NAV1: variants seen among roughly 807,000 people sequenced by gnomAD.
The protein encoded by NAV1 is pore membrane and/or filament interacting like protein 3.
A neutral mutation model predicts 175.2 loss-of-function variants in NAV1; 18 were observed. The observed-to-expected ratio is 0.10, with a 90% CI of 0.07 to 0.15. The LOEUF is 0.15. Among genes scored for constraint, NAV1 ranks in the 10% least tolerant of loss-of-function variants. The pLI is 1.00. For missense variants in NAV1, 1,731 were observed against 2,436.6 expected (o/e 0.71, Z 6.10); for synonymous variants, 897 against 978.7 (o/e 0.92, Z 1.56).
chr1:201,644,255 G>T (rs563717263), upstream of NAV1, among the ~76,000 whole-genome samples: 7 of 152,298 alleles, frequency 4.6e-5, no homozygotes, highest in East Asian at 1.3e-3. Flanking sequence ...GGGGTAAATG[G>T]CCGAGTGGGA....
chr1:201,773,838 G>A (rs760324983), intron 3 of NAV1, among the ~76,000 whole-genome samples: 5 of 152,126 alleles, frequency 3.3e-5, no homozygotes, highest in South Asian at 2.1e-4. Flanking sequence ...TGAAATATCC[G>A]TTGACAAGGT....
chr1:201,692,790 G>A (rs1038167406), intron 1 of NAV1, among the ~76,000 whole-genome samples: 8 of 152,274 alleles, frequency 5.3e-5, no homozygotes, highest in African/African-American at 1.9e-4. Flanking sequence ...AGCATGGCCT[G>A]TGCCTCCAGG....
At chr1:201,761,153 T>C (rs1030371477) in intron 3 of NAV1, among the ~76,000 whole-genome samples, 4 of 152,198 alleles carry the variant, frequency 2.6e-5, no homozygotes, top group African/African-American at 9.7e-5. Flanking sequence ...CCTCAGCTTT[T>C]GTAGAAACAC....
intron 1 of NAV1, among the ~76,000 whole-genome samples, chr1:201,697,367 C>T (rs1671235342): frequency 1.3e-5 from 2 of 152,216 alleles, no homozygotes; most frequent in Admixed American, 6.5e-5. Context: ...GGAGCAGATG[C>T]TGTGCAGGCT....
chr1:201,574,335 T>C (rs1432404385), intron 1 of NAV1, among the ~76,000 whole-genome samples: 1 of 152,046 alleles, frequency 6.6e-6, no homozygotes, highest in Non-Finnish European at 1.5e-5. Flanking sequence ...AGATCCAAGA[T>C]TGCTCCGTGG....
chr1:201,756,826 TTCTTTCTTTC>T (rs747040734), intron 3 of NAV1, among the ~76,000 whole-genome samples: 6,466 of 79,012 alleles, frequency 0.082, 437 homozygotes, highest in Non-Finnish European at 0.1. Flanking sequence ...CTTTCTTTCT[TTCTTTCTTTC>T]TTTCTTTCTT....
Position 201,813,407 on chromosome 1 carries a change from T to A in NAV1, c.5340+149T>A. 1 of 595,978 alleles carries A rather than the reference T, an allele frequency of 1.7e-6. No individual in the cohort carries two copies. The highest frequency in any genetic ancestry group is 2.9e-6 in the Non-Finnish European group (1 of 339,304). The allele number at this position is 595,978 out of a possible 1,614,324, so 36.9% of individuals were successfully genotyped here. A position where few individuals can be genotyped will look rare whatever the true frequency, so the allele number is the denominator to read the frequency against. On this transcript the variant is annotated intron_variant, in intron 28 of 29. Coordinates refer to ENST00000367296, the Ensembl canonical transcript of NAV1. The surrounding 1 kb of genome is among the most constrained non-coding windows in gnomAD (Gnocchi z 4.2). The stretch of plus-strand genomic sequence containing the variant: ...GAGCAAGGCACTGGGTAGACTAAGC[T>A]GCTTTCCTGCCTCCAGCTGCCATTC...
At position 201,810,335 on chromosome 1, in the gene NAV1, C is replaced by T. The variant is rs1324877609; in HGVS notation, c.4562-188C>T. 6.6e-6 allele frequency among the ~76,000 whole-genome samples: 1 copy of T among 152,146 alleles called. No homozygotes were observed. The highest frequency in any genetic ancestry group is 1.5e-5 in the Non-Finnish European group (1 of 68,028). On this transcript the variant is annotated intron_variant, in intron 23 of 29. Coordinates refer to ENST00000367296, the Ensembl canonical transcript of NAV1. This position sits in a 1 kb window ranked among gnomAD's most constrained non-coding sequence, Gnocchi z 6.0. ...TGCTTCACTCCTCACCCCCAGCTCACAGCATGTCCCTAAAAAGAAGATCTA... is the reference window on the plus strand; with the variant it reads ...TGCTTCACTCCTCACCCCCAGCTCATAGCATGTCCCTAAAAAGAAGATCTA...
chr1:201,819,927 C>G (rs1411991995), exon 30 of NAV1: 2 of 1,614,158 alleles, frequency 1.2e-6, no homozygotes, highest in Non-Finnish European at 1.7e-6. Flanking sequence ...TCAGGCAACA[C>G]TTTAAGGGTT....
In NAV1 at chr1:201,806,676, T is replaced by A. The variant is rs141194081; in HGVS notation, c.3649-1277T>A. Among the ~76,000 whole-genome samples the A allele has an allele frequency of 7.2e-5, 11 of 152,328 alleles. No homozygotes were observed. In the East Asian group the frequency reaches 1.9e-3, roughly 27 times the overall value. On this transcript the variant is annotated intron_variant, in intron 17 of 29. Transcript: ENST00000367296. ...AACTCTCTGGCCTTTTCAGGCTTGG[T>A]TCTTCATCTCTACAGAGAAATGAGC...
chr1:201,740,018 G>A lies in NAV1; in HGVS notation c.1226+21263G>A, dbSNP rs1218617633. 2 of 1,486,908 alleles carry A rather than the reference G, an allele frequency of 1.3e-6. No individual in the cohort carries two copies. Among genetic ancestry groups the A allele is most frequent in the Non-Finnish European group, 1.8e-6 (2 of 1,115,646 alleles). The allele number at this position is 1,486,908 out of a possible 1,614,324, so 92.1% of individuals were successfully genotyped here. On this transcript the variant is annotated intron_variant, in intron 3 of 29. Transcript: ENST00000367296. The surrounding 1 kb of genome is among the most constrained non-coding windows in gnomAD (Gnocchi z 4.7). ...ACCCGGTGAATGGCCGCCTGAGCCGGGGAAGATGCTTCATCTGCCCCTGCC... is the reference window on the plus strand; with the variant it reads ...ACCCGGTGAATGGCCGCCTGAGCCGAGGAAGATGCTTCATCTGCCCCTGCC...
At chr1:201,739,779 C>T (rs1428494313) in intron 3 of NAV1, 1 of 1,216,590 alleles carries the variant, frequency 8.2e-7, no homozygotes, top group African/African-American at 1.6e-5. Flanking sequence ...CCTGCATCGC[C>T]GGGGCTCGGG....
chr1:201,689,387 T>G (rs1262923089), intron 1 of NAV1, among the ~76,000 whole-genome samples: 1 of 152,202 alleles, frequency 6.6e-6, no homozygotes, highest in Non-Finnish European at 1.5e-5. Flanking sequence ...ATATATTCTC[T>G]CTTAAATCAT....
intron 1 of NAV1, among the ~76,000 whole-genome samples, chr1:201,573,453 C>A (rs527888766): frequency 6.6e-6 from 1 of 152,278 alleles, no homozygotes; most frequent in Admixed American, 6.5e-5. Flanking sequence ...CCCAGGTAAA[C>A]CCTCAGGGAG....
upstream of NAV1, among the ~76,000 whole-genome samples, chr1:201,619,739 C>T (rs1253585982): frequency 6.6e-6 from 1 of 152,124 alleles, no homozygotes; most frequent in Non-Finnish European, 1.5e-5. Flanking sequence ...GGTGGGTGGG[C>T]AGGGAATGGC....
upstream of NAV1, among the ~76,000 whole-genome samples, chr1:201,622,149 G>T (rs983120323): frequency 3.9e-5 from 6 of 152,190 alleles, no homozygotes; most frequent in Non-Finnish European, 7.3e-5. Flanking sequence ...TTTGTCATGG[G>T]GGGAGGTGGG....
At chr1:201,677,297 C>T (rs1437990371) in intron 1 of NAV1, among the ~76,000 whole-genome samples, 1 of 151,774 alleles carries the variant, frequency 6.6e-6, no homozygotes, top group Non-Finnish European at 1.5e-5. Context: ...CATCCTTTCC[C>T]CCAACCCCAG....
At chr1:201,662,104 G>A (rs1669635101) in intron 1 of NAV1, among the ~76,000 whole-genome samples, 1 of 152,242 alleles carries the variant, frequency 6.6e-6, no homozygotes, top group African/African-American at 2.4e-5. Context: ...TAGCCACTAT[G>A]CCATGAGGCC....
intron 1 of NAV1, among the ~76,000 whole-genome samples, chr1:201,549,722 G>A (rs1008891659): frequency 4.0e-5 from 6 of 150,858 alleles, no homozygotes; most frequent in Non-Finnish European, 7.4e-5. Flanking sequence ...CTTAAGACCT[G>A]GGTGCCGGCC....
Sources: allele counts gnomAD v4.1 joint callset (sites outside exome capture counted in the v4.1 genomes callset), GRCh38; gene constraint gnomAD v4.1.1; non-coding constraint Gnocchi (gnomAD v3.1); transcripts MANE v1.5; gene names NCBI Gene and HGNC (gene_info 2026-07-23, HGNC 2026-07-21).